The following TMEM260 variants were observed in gnomAD, a reference collection of about 807,000 sequenced individuals.
TMEM260 encodes protein O-mannosyl-transferase TMEM260.
TMEM260 carries 82 observed loss-of-function variants against 88.9 expected under a neutral mutation model. That is an observed-to-expected ratio of 0.92 (90% confidence interval 0.77 to 1.11). The LOEUF (loss-of-function observed/expected upper bound fraction) is 1.11. Ranked by LOEUF, TMEM260 falls within the 50% of genes least tolerant of loss-of-function variation. TMEM260 has a pLI of 0.00. For missense variants in TMEM260, 902 were observed against 853.4 expected, an observed-to-expected ratio of 1.06 and a Z score of -0.71; for synonymous variants, 314 against 309.3, an observed-to-expected ratio of 1.02 and a Z score of -0.16.
chr14:56,633,206 CAT>C, intron 13 of TMEM260, 35 bp downstream of exon 13: 1 of 1,532,788 alleles, frequency 6.5e-7, no homozygotes, highest in Non-Finnish European at 8.8e-7. Context: ...TGCATATAAA[CAT>C]AGCAGTTTTG....
chr14:56,625,494 C>T lies in TMEM260; in HGVS notation c.1511C>T (p.Thr504Ile), dbSNP rs1381622741. The T allele has an allele frequency of 6.2e-7, 1 of 1,606,198 alleles. No individual in the cohort carries two copies. Among genetic ancestry groups the T allele is most frequent in the Non-Finnish European group, 8.5e-7 (1 of 1,174,400 alleles). Reference sequence around the variant, plus strand: ...GGAATATTACCTAGTGGAATGGTCACATTTAATCTTTATCATTTTCTTGAA... The same window carrying T: ...GGAATATTACCTAGTGGAATGGTCATATTTAATCTTTATCATTTTCTTGAA... ...VEGILPSGMV[T>I]FNLYHFLEVN... The change falls in exon 12 of 16, where the codon ACA (threonine) becomes ATA (isoleucine). Residue 504 changes from threonine (T) to isoleucine (I), a missense_variant. Coordinates refer to ENST00000261556, the MANE Select transcript of TMEM260 (RefSeq NM_017799.4).
At chr14:56,626,898 C>A (rs1888275919) in intron 12 of TMEM260, among the ~76,000 whole-genome samples, 1 of 152,142 alleles carries the variant, frequency 6.6e-6, no homozygotes, top group Non-Finnish European at 1.5e-5. Flanking sequence ...TTCCACTCAC[C>A]TTTAACATAA....
intron 11 of TMEM260, among the ~76,000 whole-genome samples, chr14:56,625,097 C>T (rs1467769071): frequency 6.6e-6 from 1 of 152,138 alleles, no homozygotes; most frequent in East Asian, 1.9e-4. Context: ...TATGGGGACC[C>T]CTGCTCTAGG....
At chr14:56,653,738 AAAC>A (rs1890247873), downstream of TMEM260, among the ~76,000 whole-genome samples, 2 of 139,146 alleles carry the variant, frequency 1.4e-5, no homozygotes. Context: ...CTTGTCTCCA[AAAC>A]AAAAAAAAAA....
intron 11 of TMEM260, among the ~76,000 whole-genome samples, chr14:56,624,884 G>A (rs1367446589): frequency 2.0e-5 from 3 of 152,128 alleles, no homozygotes; most frequent in Non-Finnish European, 4.4e-5. Context: ...TGGGGGTTGG[G>A]GGTGGGGGTG....
chr14:56,594,836 A>T (rs183193418), intron 3 of TMEM260, among the ~76,000 whole-genome samples: 1 of 152,262 alleles, frequency 6.6e-6, no homozygotes, highest in East Asian at 1.9e-4. Context: ...CAAAAGATTT[A>T]TGAATAATAT....
At chr14:56,621,507 A>AT in intron 10 of TMEM260, 24 bp from the exon 11 acceptor site, 1 of 1,569,652 alleles carries the variant, frequency 6.4e-7, no homozygotes, top group Non-Finnish European at 8.6e-7. Flanking sequence ...TGCTATTTTA[A>AT]TTTTTTTGGA....
At chr14:56,629,651 A>G (rs957690147) in intron 12 of TMEM260, among the ~76,000 whole-genome samples, 1 of 152,092 alleles carries the variant, frequency 6.6e-6, no homozygotes, top group Admixed American at 6.5e-5. Flanking sequence ...GTTTTCCTTT[A>G]TCTGAAAATG....
chr14:56,593,939 G>C (rs932649754), intron 3 of TMEM260, among the ~76,000 whole-genome samples: 16 of 150,716 alleles, frequency 1.1e-4, no homozygotes, highest in African/African-American at 3.9e-4. Context: ...CACCCGCCTC[G>C]GCCTCCCAAA....
intron 11 of TMEM260, among the ~76,000 whole-genome samples, chr14:56,624,066 A>G (rs893877420): frequency 2.6e-5 from 4 of 152,364 alleles, no homozygotes; most frequent in East Asian, 3.9e-4. Context: ...TGTAATTAAT[A>G]TAGGGCTACT....
At chr14:56,635,008 G>A (rs921787968) in intron 14 of TMEM260, 56 bp downstream of exon 14, 2 of 1,481,290 alleles carry the variant, frequency 1.4e-6, no homozygotes, top group African/African-American at 2.8e-5. Flanking sequence ...CAGGGAAGTA[G>A]CTTATGGCAC....
the TMEM260 span, among the ~76,000 whole-genome samples, chr14:56,661,465 TAGAC>T: frequency 1.5e-5 from 2 of 137,604 alleles, no homozygotes; most frequent in African/African-American, 2.8e-5. Context: ...TTAAAATGGA[TAGAC>T]AGACAGGTAG....
chr14:56,655,386 CAAAA>C (rs113654913), downstream of TMEM260, among the ~76,000 whole-genome samples: 3 of 94,508 alleles, frequency 3.2e-5, no homozygotes, highest in African/African-American at 7.4e-5. Flanking sequence ...GACTCCATCT[CAAAA>C]AAAAAAAAAA....
chr14:56,592,026 C>CT (rs1885897473), intron 3 of TMEM260, among the ~76,000 whole-genome samples: 2 of 152,034 alleles, frequency 1.3e-5, no homozygotes, highest in South Asian at 4.1e-4. Context: ...ATTTTTTACT[C>CT]TAATTTTATG....
chr14:56,660,073 G>C, the TMEM260 span, among the ~76,000 whole-genome samples: 1 of 152,314 alleles, frequency 6.6e-6, no homozygotes, highest in South Asian at 2.1e-4. Flanking sequence ...CATTCCTAAA[G>C]CAGATGCAGA....
chr14:56,607,291 A>T (rs765420509), intron 5 of TMEM260, among the ~76,000 whole-genome samples: 5 of 152,200 alleles, frequency 3.3e-5, no homozygotes, highest in Non-Finnish European at 7.3e-5. Flanking sequence ...CACATATTTC[A>T]TGTTAATTGA....
intron 4 of TMEM260, among the ~76,000 whole-genome samples, chr14:56,604,998 A>G (rs1288693853): frequency 6.6e-6 from 1 of 152,228 alleles, no homozygotes; most frequent in Non-Finnish European, 1.5e-5. Flanking sequence ...GGCTAAACTG[A>G]CTTGACAGGA....
chr14:56,647,664 A>G lies in TMEM260; in HGVS notation c.*167A>G. On this transcript the variant is annotated 3_prime_UTR_variant, in exon 16 of 16. Coordinates refer to ENST00000261556, the MANE Select transcript of TMEM260 (RefSeq NM_017799.4). ...CTGTTTAATGGGGTATTCAGTGACT[A>G]AGGTCTGCTATTTATGCAAAATTCT... 1 of 688,920 alleles carries G rather than the reference A, an allele frequency of 1.5e-6. No individual in the cohort carries two copies. 42.7% of individuals were successfully genotyped at this position (688,920 alleles called of 1,614,324 possible).
chr14:56,615,929 G>A lies in TMEM260; in HGVS notation c.858-15G>A. 1.3e-6 allele frequency: 2 copies of A among 1,582,426 alleles called. No individual in the cohort carries two copies. The highest frequency in any genetic ancestry group is 1.7e-6 in the Non-Finnish European group (2 of 1,151,776). On this transcript the variant is annotated splice_polypyrimidine_tract_variant and intron_variant, in intron 7 of 15. Transcript: ENST00000261556. ...TTTGTTTCCTGCCAACAATAAGTTAGATTGTTTTTTGCAGTTCTCAAGTAA... is the reference window on the plus strand; with the variant it reads ...TTTGTTTCCTGCCAACAATAAGTTAAATTGTTTTTTGCAGTTCTCAAGTAA...
Sources: gnomAD v4.1 joint callset for allele counts (sites outside exome capture counted in the v4.1 genomes callset) on GRCh38, gnomAD v4.1.1 for gene constraint, MANE v1.5 for transcripts, NCBI Gene and HGNC (gene_info 2026-07-23, HGNC 2026-07-21) for gene names.